SNHG17: variants seen among roughly 807,000 people sequenced by gnomAD.
The protein encoded by SNHG17 is small nucleolar RNA host gene 17 (non-protein coding).
At position 38,435,245 on chromosome 20, in the gene SNHG17, G is replaced by GA. The variant is rs1327854158; in HGVS notation, n.136dup. On this transcript the variant is annotated non_coding_transcript_exon_variant, in exon 1 of 9. Transcript: ENST00000654008. ...GGCGGAGACCTGACAGACAGCGTGG[G>GA]AAAAATCAAGATGTCTGCAGATTTC... The GA allele has an allele frequency of 3.2e-6, 4 of 1,231,988 alleles. No individual in the cohort carries two copies. The East Asian group carries it at 1.3e-4, about 39-fold the overall frequency. 76.3% of individuals were successfully genotyped at this position (1,231,988 alleles called of 1,614,324 possible).
chr20:38,433,192 T>C (rs1033810716), intron 2 of SNHG17, among the ~76,000 whole-genome samples: 5 of 152,240 alleles, frequency 3.3e-5, no homozygotes, highest in African/African-American at 4.8e-5. Context: ...GCCAGGATGG[T>C]CTTGAACTCC....
intron 2 of SNHG17, chr20:38,432,263 C>A: frequency 1.5e-6 from 1 of 652,908 alleles, no homozygotes; most frequent in Non-Finnish European, 1.9e-6. Flanking sequence ...AACCAGTCAT[C>A]AGGGACAGCT....
At chr20:38,429,800 A>G (rs766253713) in intron 3 of SNHG17, 2 of 517,616 alleles carry the variant, frequency 3.9e-6, no homozygotes, top group Non-Finnish European at 7.7e-6. Flanking sequence ...TTTCGAATGC[A>G]GGGGCAGAAA....
chr20:38,431,308 A>G (rs1454943308), intron 2 of SNHG17, among the ~76,000 whole-genome samples: 2 of 152,226 alleles, frequency 1.3e-5, no homozygotes, highest in East Asian at 1.9e-4. Flanking sequence ...GAAATGGACA[A>G]TGGTGCCTCT....
chr20:38,426,231 C>G (rs551370368), intron 4 of SNHG17, among the ~76,000 whole-genome samples: 1 of 151,944 alleles, frequency 6.6e-6, no homozygotes, highest in African/African-American at 2.4e-5. Context: ...GCTCTGTAAG[C>G]CCCACCGTGA....
intron 3 of SNHG17, among the ~76,000 whole-genome samples, chr20:38,426,963 G>C (rs568774803): frequency 6.8e-6 from 1 of 146,530 alleles, no homozygotes; most frequent in Admixed American, 6.8e-5. Context: ...AAGATGTAAA[G>C]ATGCTACCCT....
At chr20:38,425,959 C>T (rs1294052700) in exon 5 of SNHG17, 1 of 149,700 alleles carries the variant, frequency 6.7e-6, no homozygotes, top group Non-Finnish European at 1.5e-5. Context: ...ACTCAGGAAG[C>T]TGAGGTGGAG....
chr20:38,433,265 T>C (rs143885595), intron 2 of SNHG17, among the ~76,000 whole-genome samples: 2,273 of 152,274 alleles, frequency 0.015, 58 homozygotes, highest in African/African-American at 0.052. Context: ...TGTGAGCCAT[T>C]GCACCCGGCC....
chr20:38,435,231 G>T, exon 1 of SNHG17: 1 of 1,231,996 alleles, frequency 8.1e-7, no homozygotes, highest in South Asian at 4.1e-5. Flanking sequence ...GCGGAGACCT[G>T]ACAGACAGCG....
chr20:38,433,757 A>G, intron 2 of SNHG17: 1 of 511,502 alleles, frequency 2.0e-6, no homozygotes, highest in South Asian at 1.4e-5. Flanking sequence ...CACCCCTCAT[A>G]GACCCTGGTG....
At chr20:38,433,984 C>G (rs771433193) in intron 2 of SNHG17, 2 of 519,102 alleles carry the variant, frequency 3.9e-6, no homozygotes, top group South Asian at 1.4e-5. Context: ...CCCACGATCA[C>G]TTTCGAATAC....
At chr20:38,434,130 G>C in intron 2 of SNHG17, 1 of 408,474 alleles carries the variant, frequency 2.4e-6, no homozygotes, top group Non-Finnish European at 4.8e-6. Context: ...GATTCCATCT[G>C]TCCCCACCCA....
chr20:38,433,247 A>T (rs2084367821), intron 2 of SNHG17, among the ~76,000 whole-genome samples: 1 of 152,144 alleles, frequency 6.6e-6, no homozygotes, highest in Admixed American at 6.6e-5. Flanking sequence ...GAGTGCTGGG[A>T]TTACAGGTGT....
chr20:38,423,206 G>A (rs2084188008), intron 5 of SNHG17, among the ~76,000 whole-genome samples: 1 of 151,478 alleles, frequency 6.6e-6, no homozygotes, highest in Non-Finnish European at 1.5e-5. Flanking sequence ...AGACCAGCCT[G>A]GGCAACATCG....
At chr20:38,434,832 C>T (rs1337616207) in intron 1 of SNHG17, 2 of 984,884 alleles carry the variant, frequency 2.0e-6, no homozygotes, top group African/African-American at 3.5e-5. Context: ...CAATGACTGG[C>T]ACTTTGTAGG....
exon 1 of SNHG17, chr20:38,435,310 C>T (rs1600774405): frequency 3.2e-6 from 4 of 1,231,304 alleles, no homozygotes; most frequent in African/African-American, 1.6e-5. Flanking sequence ...CGAAGGACGG[C>T]GAGGGACGGC....
rs1384697379 is a variant in SNHG17 at position 38,434,137 on chromosome 20, C to T, written n.308+367G>A. ...CACAGGCAGATTCCATCTGTCCCCA[C>T]CCAGAGTCCACAGGAAAACAGACTT... On this transcript the variant is annotated intron_variant and non_coding_transcript_variant, in intron 2 of 8. Coordinates refer to ENST00000654008, the Ensembl canonical transcript of SNHG17. 4 of 399,014 alleles carry T rather than the reference C, an allele frequency of 1.0e-5. No individual in the cohort carries two copies. In the East Asian group the frequency reaches 1.9e-4, roughly 19 times the overall value. 24.7% of individuals were successfully genotyped at this position (399,014 alleles called of 1,614,324 possible). A position where few individuals can be genotyped will look rare whatever the true frequency, so the allele number is the denominator to read the frequency against.
intron 3 of SNHG17, chr20:38,429,761 T>C (rs772330812): frequency 1.9e-6 from 1 of 517,158 alleles, no homozygotes; most frequent in African/African-American, 1.9e-5. Context: ...GCACTACCAA[T>C]GACCAGGGCA....
chr20:38,424,843 C>T (rs2084218954), intron 5 of SNHG17, among the ~76,000 whole-genome samples: 1 of 152,156 alleles, frequency 6.6e-6, no homozygotes, highest in African/African-American at 2.4e-5. Flanking sequence ...TTGACAGGAG[C>T]CTCTGAGTCC....
Sources: allele counts gnomAD v4.1 joint callset (sites outside exome capture counted in the v4.1 genomes callset), GRCh38; gene constraint gnomAD v4.1.1; transcripts MANE v1.5; gene names NCBI Gene and HGNC (gene_info 2026-07-23, HGNC 2026-07-21).